The following MROH1 variants were observed in gnomAD, a reference collection of about 807,000 sequenced individuals.
MROH1 encodes the protein maestro heat-like repeat-containing protein family member 1.
A neutral mutation model predicts 116.5 loss-of-function variants in MROH1; 117 were observed. The observed-to-expected ratio is 1.00, with a 90% CI of 0.86 to 1.17. MROH1 has a LOEUF of 1.17. Ranked by LOEUF, MROH1 falls within the 50% of genes most tolerant of loss-of-function variation. The probability of loss-of-function intolerance (pLI) is 0.00; values close to 1 mark genes in which losing one functional copy is unlikely to be tolerated. For synonymous variants in MROH1, 921 were observed against 583.9 expected, an observed-to-expected ratio of 1.58 and a Z score of -8.32; for missense variants, 1,873 against 1,338.5, an observed-to-expected ratio of 1.40 and a Z score of -6.23.
intron 24 of MROH1, among the ~76,000 whole-genome samples, 184 bp downstream of exon 24, chr8:144,242,812 C>T (rs887491064): frequency 2.0e-4 from 30 of 152,180 alleles, no homozygotes; most frequent in Non-Finnish European, 3.7e-4. Flanking sequence ...GGGCCCTGGA[C>T]GGCAGTGGGA....
At chr8:144,240,828 C>T (rs1840853740) in intron 20 of MROH1, among the ~76,000 whole-genome samples, 151 bp downstream of exon 20, 1 of 152,088 alleles carries the variant, frequency 6.6e-6, no homozygotes, top group Non-Finnish European at 1.5e-5. Flanking sequence ...AGTGCGAGAG[C>T]CCACCGGCCC....
At chr8:144,155,081 G>A (rs1817715576) in intron 1 of MROH1, among the ~76,000 whole-genome samples, 1 of 152,148 alleles carries the variant, frequency 6.6e-6, no homozygotes, top group Non-Finnish European at 1.5e-5. Context: ...GTCCTAAAGT[G>A]CTGGGATTAC....
Position 144,177,547 on chromosome 8 carries a change from C to T in MROH1, c.169-1908C>T, listed in dbSNP as rs562525943. 1.8e-4 allele frequency among the ~76,000 whole-genome samples: 27 copies of T among 152,346 alleles called. No individual in the cohort carries two copies. In the East Asian group the frequency reaches 4.8e-3, roughly 27 times the overall value. On this transcript the variant is annotated intron_variant, in intron 4 of 43. Coordinates refer to ENST00000326134, the MANE Select transcript of MROH1 (RefSeq NM_032450.3). ...CCTATGTGGGCCCACCTCCACCTGC[C>T]GTGGCGGCCATAGCTGTCAGAGTGG...
chr8:144,175,538 T>C, intron 4 of MROH1: 1 of 985,484 alleles, frequency 1.0e-6, no homozygotes, highest in Non-Finnish European at 1.2e-6. Context: ...TCCACCCACT[T>C]AGAGCCTCAG....
intron 10 of MROH1, among the ~76,000 whole-genome samples, chr8:144,195,501 CAAAAAAAAAAAA>C (rs1163550725): frequency 4.5e-4 from 16 of 35,332 alleles, no homozygotes; most frequent in East Asian, 1.3e-3. Context: ...GACTCTGTCT[CAAAAAAAAAAAA>C]AAAAAAAAAA....
chr8:144,206,530 C>G (rs1832849453), intron 12 of MROH1, among the ~76,000 whole-genome samples: 1 of 151,076 alleles, frequency 6.6e-6, no homozygotes. Flanking sequence ...TCAAGCGATT[C>G]TCCTGCCTCA....
chr8:144,171,065 C>T (rs1822312241), intron 4 of MROH1, among the ~76,000 whole-genome samples: 2 of 152,234 alleles, frequency 1.3e-5, no homozygotes, highest in Admixed American at 6.5e-5. Flanking sequence ...GTCAGTTGTG[C>T]AGTGGACACC....
chr8:144,239,219 C>G, intron 16 of MROH1, 40 bp downstream of exon 16: 1 of 747,638 alleles, frequency 1.3e-6, no homozygotes. Context: ...ACTCCTGCCC[C>G]CACTTCCCCA....
chr8:144,200,667 T>G, intron 12 of MROH1, 126 bp downstream of exon 12: 1 of 751,874 alleles, frequency 1.3e-6, no homozygotes, highest in Non-Finnish European at 2.2e-6. Flanking sequence ...AAGATTTCCC[T>G]ACTTACTATT....
At chr8:144,249,196 G>A (rs1010644177) in intron 32 of MROH1, among the ~76,000 whole-genome samples, 167 bp downstream of exon 32, 3 of 152,120 alleles carry the variant, frequency 2.0e-5, no homozygotes, top group Non-Finnish European at 2.9e-5. Flanking sequence ...AGCCCTCCTC[G>A]GGTGTGACCC....
intron 14 of MROH1, among the ~76,000 whole-genome samples, chr8:144,233,370 C>T (rs1554823467): frequency 2.6e-5 from 4 of 151,652 alleles, no homozygotes; most frequent in African/African-American, 7.3e-5. Context: ...TTCCCTCCCC[C>T]GCAGCTCCTG....
intron 12 of MROH1, among the ~76,000 whole-genome samples, chr8:144,211,409 C>T (rs1407453101): frequency 6.6e-6 from 1 of 152,120 alleles, no homozygotes; most frequent in South Asian, 2.1e-4. Context: ...CATTTGCTTA[C>T]CCAGGGGTAT....
At chr8:144,253,270 G>A (rs1341060065) in intron 33 of MROH1, among the ~76,000 whole-genome samples, 3 of 152,236 alleles carry the variant, frequency 2.0e-5, no homozygotes, top group African/African-American at 7.2e-5. Context: ...TTCATGACAC[G>A]TGAAAATGAT....
chr8:144,229,879 C>T (rs1439506949), intron 14 of MROH1, among the ~76,000 whole-genome samples: 3 of 151,980 alleles, frequency 2.0e-5, no homozygotes, highest in Non-Finnish European at 4.4e-5. Context: ...ACTAAAAATA[C>T]AAAAATTAGC....
At chr8:144,211,726 CAA>C (rs74429626) in intron 12 of MROH1, among the ~76,000 whole-genome samples, 14 of 114,808 alleles carry the variant, frequency 1.2e-4, no homozygotes, top group Non-Finnish European at 1.7e-4. Flanking sequence ...AATTCCATCT[CAA>C]AAAAAAAAAA....
intron 35 of MROH1, among the ~76,000 whole-genome samples, chr8:144,257,333 C>G (rs935168595): frequency 5.3e-4 from 80 of 152,296 alleles, no homozygotes; most frequent in Non-Finnish European, 9.6e-4. Flanking sequence ...GAGGGGCTGG[C>G]CCTGCTGTTG....
Position 144,240,172 on chromosome 8 carries a change from C to T in MROH1, c.1827+19C>T. ...GTTGATGGTGAGGGCCGGGGTACGG[C>T]CCATCCTGGGCCTTAAGGTGTTGTC... On this transcript the variant is annotated intron_variant, in intron 19 of 43. Coordinates refer to ENST00000326134, the MANE Select transcript of MROH1 (RefSeq NM_032450.3). 1 of 768,958 alleles carries T rather than the reference C, an allele frequency of 1.3e-6. No individual in the cohort carries two copies. The highest frequency in any genetic ancestry group is 2.4e-6 in the Non-Finnish European group (1 of 412,736). 47.6% of individuals were successfully genotyped at this position (768,958 alleles called of 1,614,324 possible).
intron 22 of MROH1, among the ~76,000 whole-genome samples, chr8:144,241,880 C>T (rs1343911888): frequency 6.6e-6 from 1 of 152,134 alleles, no homozygotes; most frequent in Middle Eastern, 3.2e-3. Context: ...AAGGAGTGGG[C>T]CCCTGCTGCA....
At chr8:144,167,074 A>G (rs1319167040) in intron 3 of MROH1, among the ~76,000 whole-genome samples, 2 of 152,224 alleles carry the variant, frequency 1.3e-5, no homozygotes, top group African/African-American at 4.8e-5. Flanking sequence ...CTGCCCCAGC[A>G]GGTGCCTCCT....
Sources: gnomAD v4.1 joint callset for allele counts (sites outside exome capture counted in the v4.1 genomes callset) on GRCh38, gnomAD v4.1.1 for gene constraint, MANE v1.5 for transcripts, NCBI Gene and HGNC (gene_info 2026-07-23, HGNC 2026-07-21) for gene names.